ZNF618: variants seen among roughly 807,000 people sequenced by gnomAD.
ZNF618 encodes zinc finger protein 618.
In ZNF618, 34 loss-of-function variants were observed where a neutral mutation model predicts 103.0. That is an observed-to-expected ratio of 0.33 (90% CI 0.25 to 0.44). The LOEUF is 0.44. Among genes scored for constraint, ZNF618 ranks in the 20% least tolerant of loss-of-function variants. The probability of loss-of-function intolerance (pLI) is 1.00; values close to 1 mark genes in which losing one functional copy is unlikely to be tolerated. For missense variants in ZNF618, 1,059 were observed against 1,295.4 expected, an observed-to-expected ratio of 0.82 and a Z score of 2.80; for synonymous variants, 551 against 542.2, an observed-to-expected ratio of 1.02 and a Z score of -0.23.
chr9:114,035,452 C>CTTG (rs1844498123), intron 12 of ZNF618, among the ~76,000 whole-genome samples: 1 of 152,222 alleles, frequency 6.6e-6, no homozygotes, highest in Non-Finnish European at 1.5e-5. Flanking sequence ...CAGCAGCAGC[C>CTTG]TTGGCTCTGC....
intron 2 of ZNF618, among the ~76,000 whole-genome samples, chr9:113,970,858 A>T (rs1430675693): frequency 6.7e-6 from 1 of 149,358 alleles, no homozygotes; most frequent in Admixed American, 6.7e-5. Flanking sequence ...TCTCTCTGAG[A>T]ATGCCAGCTC....
At chr9:114,012,794 C>T (rs1178379703) in intron 9 of ZNF618, among the ~76,000 whole-genome samples, 28 of 151,996 alleles carry the variant, frequency 1.8e-4, no homozygotes, top group Admixed American at 1.8e-3. Flanking sequence ...GAACAGGGAG[C>T]CGGTTTCAGA....
intron 2 of ZNF618, among the ~76,000 whole-genome samples, chr9:113,974,124 A>C (rs77905452): frequency 0.016 from 2,490 of 152,358 alleles, 57 homozygotes; most frequent in African/African-American, 0.054. Flanking sequence ...GCTGTAATAA[A>C]TACATAAAAT....
In ZNF618 at chr9:114,055,653, CAT is replaced by C. The variant is rs905955518; in HGVS notation, c.*5488_*5489del. The C allele has an allele frequency of 2.3e-4, 34 of 146,466 alleles. No individual in the cohort carries two copies. The highest frequency in any genetic ancestry group is 8.6e-4 in the African/African-American group (34 of 39,464). The allele number at this position is 146,466 out of a possible 1,614,324, so 9.1% of individuals were successfully genotyped here. On this transcript the variant is annotated 3_prime_UTR_variant, in exon 15 of 15. Transcript: ENST00000374126. ...GTAGTTAAGACGTTCTAGGCAATAC[CAT>C]AGACACATCTGACTGTGTCTCTCTC...
chr9:113,962,976 A>T (rs1837005794), intron 1 of ZNF618, among the ~76,000 whole-genome samples: 1 of 152,244 alleles, frequency 6.6e-6, no homozygotes, highest in Non-Finnish European at 1.5e-5. Context: ...GGAGCTTGAT[A>T]AATGTTTGTT....
intron 2 of ZNF618, among the ~76,000 whole-genome samples, chr9:113,978,709 C>T (rs910361380): frequency 9.2e-4 from 140 of 152,318 alleles, no homozygotes; most frequent in African/African-American, 3.2e-3. Flanking sequence ...AAAGCCTAGA[C>T]TTTGGAGTCA....
At chr9:113,941,985 C>A (rs1365354184) in intron 1 of ZNF618, among the ~76,000 whole-genome samples, 4 of 152,182 alleles carry the variant, frequency 2.6e-5, no homozygotes, top group Non-Finnish European at 5.9e-5. Flanking sequence ...CTGGAAAAGG[C>A]AGGTGAACAG....
chr9:113,951,561 A>AT (rs1399221275), intron 1 of ZNF618, among the ~76,000 whole-genome samples: 1 of 44,810 alleles, frequency 2.2e-5, no homozygotes, highest in African/African-American at 5.7e-5. Flanking sequence ...ATGTGTGTGT[A>AT]TATGTGTGTG....
At chr9:114,014,395 G>A (rs565889465) in intron 9 of ZNF618, among the ~76,000 whole-genome samples, 2 of 152,294 alleles carry the variant, frequency 1.3e-5, no homozygotes, top group Non-Finnish European at 2.9e-5. Flanking sequence ...GGTTTTTATA[G>A]CACTGCATAT....
intron 13 of ZNF618, among the ~76,000 whole-genome samples, chr9:114,042,798 C>T (rs1400348815): frequency 1.3e-5 from 2 of 152,186 alleles, no homozygotes; most frequent in Non-Finnish European, 2.9e-5. Context: ...CACTGCACTC[C>T]AGCCTGGGCG....
chr9:113,907,015 C>A (rs1382578726), intron 1 of ZNF618, among the ~76,000 whole-genome samples: 1 of 152,334 alleles, frequency 6.6e-6, no homozygotes, highest in East Asian at 1.9e-4. Flanking sequence ...TTTTTCACCC[C>A]CAGTGGAGTA....
chr9:113,910,514 G>A (rs541979319), intron 1 of ZNF618, among the ~76,000 whole-genome samples: 1 of 152,150 alleles, frequency 6.6e-6, no homozygotes, highest in Non-Finnish European at 1.5e-5. Context: ...GTGTGTTCAG[G>A]TGTGCGCGGC....
At chr9:113,927,045 C>G (rs1833162328) in intron 1 of ZNF618, among the ~76,000 whole-genome samples, 1 of 152,052 alleles carries the variant, frequency 6.6e-6, no homozygotes, top group Non-Finnish European at 1.5e-5. Flanking sequence ...AATAAATTCC[C>G]AAGTCTATGT....
chr9:113,987,512 G>T (rs549894683), intron 2 of ZNF618, among the ~76,000 whole-genome samples: 1 of 152,184 alleles, frequency 6.6e-6, no homozygotes, highest in Non-Finnish European at 1.5e-5. Context: ...GAGTCTTTTT[G>T]AATTGGAGTT....
At chr9:114,005,911 C>G (rs1841706948) in intron 6 of ZNF618, among the ~76,000 whole-genome samples, 1 of 152,210 alleles carries the variant, frequency 6.6e-6, no homozygotes, top group African/African-American at 2.4e-5. Flanking sequence ...GGACCAGCCT[C>G]TCCTGCCCCA....
intron 9 of ZNF618, among the ~76,000 whole-genome samples, chr9:114,013,276 G>A (rs563864967): frequency 2.2e-4 from 33 of 152,296 alleles, no homozygotes; most frequent in African/African-American, 7.9e-4. Context: ...TAGAGTACAT[G>A]TAAAGACTCA....
intron 1 of ZNF618, among the ~76,000 whole-genome samples, chr9:113,887,278 GAA>G (rs1202407625): frequency 2.0e-5 from 3 of 152,008 alleles, no homozygotes; most frequent in African/African-American, 2.4e-5. Context: ...ATAAGACAGA[GAA>G]AGAGAGAGAG....
At chr9:113,992,128 C>T (rs1268294121) in intron 3 of ZNF618, among the ~76,000 whole-genome samples, 1 of 152,140 alleles carries the variant, frequency 6.6e-6, no homozygotes, top group Non-Finnish European at 1.5e-5. Flanking sequence ...TGGGTTAAGT[C>T]CAAGCAGTTG....
chr9:113,973,902 A>G (rs1167338227), intron 2 of ZNF618, among the ~76,000 whole-genome samples: 1 of 152,182 alleles, frequency 6.6e-6, no homozygotes, highest in Non-Finnish European at 1.5e-5. Flanking sequence ...TTATTTTGTT[A>G]TAGGTTGCCC....
Sources: allele counts gnomAD v4.1 joint callset (sites outside exome capture counted in the v4.1 genomes callset), GRCh38; gene constraint gnomAD v4.1.1; transcripts MANE v1.5; gene names NCBI Gene and HGNC (gene_info 2026-07-23, HGNC 2026-07-21).